FAM83A: variants seen among roughly 807,000 people sequenced by gnomAD.
FAM83A encodes the protein protein FAM83A.
FAM83A carries 21 observed loss-of-function variants against 24.4 expected under a neutral mutation model. The observed-to-expected ratio is 0.86, with a 90% CI of 0.61 to 1.24. The LOEUF is 1.24. FAM83A is among the 50% of genes most tolerant of loss of function. The pLI is 0.00. For synonymous variants in FAM83A, 270 were observed against 252.4 expected (o/e 1.07, Z -0.66); for missense variants, 617 against 579.8 (o/e 1.06, Z -0.66).
exon 4 of FAM83A, chr8:123,208,945 C>T: frequency 2.1e-6 from 2 of 961,782 alleles, no homozygotes; most frequent in Non-Finnish European, 2.4e-6. Flanking sequence ...GCATGGGCAA[C>T]AAAGCAAGAC....
exon 3 of FAM83A, chr8:123,194,081 T>C: frequency 6.2e-7 from 1 of 1,614,184 alleles, no homozygotes; most frequent in Non-Finnish European, 8.5e-7. Flanking sequence ...AGGCAGGAAA[T>C]TCGCTGGCCA....
chr8:123,192,186 G>T (rs1824005412), intron 2 of FAM83A, among the ~76,000 whole-genome samples: 1 of 152,192 alleles, frequency 6.6e-6, no homozygotes, highest in African/African-American at 2.4e-5. Flanking sequence ...CCATGACAGG[G>T]AAAGAGAAGG....
upstream of FAM83A, among the ~76,000 whole-genome samples, chr8:123,181,092 G>A (rs768107002): frequency 9.2e-5 from 14 of 152,170 alleles, no homozygotes; most frequent in Non-Finnish European, 2.1e-4. Flanking sequence ...GACTACAGGC[G>A]CATACCACCA....
intron 1 of FAM83A, among the ~76,000 whole-genome samples, chr8:123,190,557 G>A (rs1344329074): frequency 3.3e-5 from 5 of 152,010 alleles, no homozygotes; most frequent in Admixed American, 2.6e-4. Context: ...GAGCCACCGC[G>A]CCCGGCAGTA....
exon 1 of FAM83A, chr8:123,183,165 C>T (rs1276382978): frequency 5.0e-6 from 8 of 1,613,692 alleles, no homozygotes; most frequent in Non-Finnish European, 6.8e-6. Context: ...TACAGTCCGG[C>T]ACCTACTTCC....
chr8:123,180,034 A>AT (rs2131047811), upstream of FAM83A: 1 of 152,378 alleles, frequency 6.6e-6, no homozygotes, highest in South Asian at 2.1e-4. Context: ...GGGCTCTGCC[A>AT]TTTACCAGCT....
chr8:123,183,047 C>A, exon 1 of FAM83A: 1 of 1,612,278 alleles, frequency 6.2e-7, no homozygotes, highest in Admixed American at 1.7e-5. Flanking sequence ...GACTTCTTGT[C>A]CTCGGTGGAG....
intron 1 of FAM83A, 57 bp downstream of exon 1, chr8:123,183,393 G>C: frequency 6.4e-7 from 1 of 1,562,296 alleles, no homozygotes; most frequent in Non-Finnish European, 8.7e-7. Context: ...ATCGGGGGCT[G>C]ATAGAGCAGG....
rs533105830 is a variant in FAM83A at position 123,183,210 on chromosome 8, G to T, written c.354G>T (p.Leu118=). Residue 118 remains leucine, a synonymous_variant, in exon 1 of 4, where the codon CTG becomes CTT. Coordinates refer to ENST00000690554, the Ensembl canonical transcript of FAM83A. ...CAGAGGGCAGCGAGCCGGCCCTACT[G>T]CACAGCTGGGCCTCAGCTGAGAAGC... 1.9e-5 allele frequency: 30 copies of T among 1,613,526 alleles called. No individual in the cohort carries two copies. In the South Asian group the frequency reaches 3.2e-4, roughly 17 times the overall value.
intron 3 of FAM83A, chr8:123,199,741 A>T (rs578160658): frequency 6.6e-6 from 1 of 152,372 alleles, no homozygotes; most frequent in Non-Finnish European, 1.5e-5. Context: ...TCTCAAAAAA[A>T]AAAGAAAGAA....
chr8:123,208,800 G>A (rs1391435355), exon 4 of FAM83A: 25 of 945,010 alleles, frequency 2.6e-5, no homozygotes, highest in Non-Finnish European at 3.2e-5. Flanking sequence ...GGATTACCTG[G>A]TCTCGAGACC....
chr8:123,183,423 C>T, intron 1 of FAM83A, 87 bp downstream of exon 1: 1 of 1,525,522 alleles, frequency 6.6e-7, no homozygotes, highest in Admixed American at 2.0e-5. Context: ...GCATTTTGCT[C>T]CCAGGGCGAG....
At chr8:123,183,840 C>A (rs962125040) in intron 1 of FAM83A, among the ~76,000 whole-genome samples, 1 of 151,790 alleles carries the variant, frequency 6.6e-6, no homozygotes, top group East Asian at 1.9e-4. Context: ...GGATTACAGG[C>A]GCATGCCACC....
Position 123,209,740 on chromosome 8 carries a change from A to C in FAM83A, c.*2052A>C. 1.6e-6 allele frequency: 1 copy of C among 612,840 alleles called. No homozygotes were observed. The highest frequency in any genetic ancestry group is 2.8e-6 in the Non-Finnish European group (1 of 352,306). 38.0% of individuals were successfully genotyped at this position (612,840 alleles called of 1,614,324 possible). A position where few individuals can be genotyped will look rare whatever the true frequency, so the allele number is the denominator to read the frequency against. ...GCAGGAACAAGCCCCCCTACTCCTG[A>C]CCACCCTCCATCAGCAGTCTCCCCT... On this transcript the variant is annotated 3_prime_UTR_variant, in exon 4 of 4. Transcript: ENST00000690554. This position sits in a 1 kb window ranked among gnomAD's most constrained non-coding sequence, Gnocchi z 4.7.
At chr8:123,187,560 C>T (rs923148242) in intron 1 of FAM83A, among the ~76,000 whole-genome samples, 3 of 152,152 alleles carry the variant, frequency 2.0e-5, no homozygotes, top group African/African-American at 4.8e-5. Context: ...TGTTAACATA[C>T]GATGGGCTTA....
rs1171058922 is a variant in FAM83A at position 123,209,114 on chromosome 8, G to A, written c.*1426G>A. Reference sequence around the variant, plus strand: ...GTCAGTGGTATGTGATCCAGGCTGGGGAGCCAGAGGGGAGCAGGTGCCAAC... The same window carrying A: ...GTCAGTGGTATGTGATCCAGGCTGGAGAGCCAGAGGGGAGCAGGTGCCAAC... On this transcript the variant is annotated 3_prime_UTR_variant, in exon 4 of 4. Transcript: ENST00000690554. The surrounding 1 kb of genome is among the most constrained non-coding windows in gnomAD (Gnocchi z 4.7). 2 of 1,043,670 alleles carry A rather than the reference G, an allele frequency of 1.9e-6. No homozygotes were observed. The highest frequency in any genetic ancestry group is 4.0e-5 in the South Asian group (1 of 25,182). 64.7% of individuals were successfully genotyped at this position (1,043,670 alleles called of 1,614,324 possible).
intron 3 of FAM83A, chr8:123,202,094 T>C (rs1221669835): frequency 5.9e-5 from 9 of 152,460 alleles, no homozygotes; most frequent in African/African-American, 2.2e-4. Context: ...CTGCCATCCA[T>C]GGGTTTTCTC....
intron 1 of FAM83A, among the ~76,000 whole-genome samples, chr8:123,188,195 G>A (rs1486149545): frequency 1.3e-5 from 2 of 151,768 alleles, no homozygotes; most frequent in Non-Finnish European, 2.9e-5. Context: ...GGCATTCCTG[G>A]TTCATGGCCG....
At chr8:123,193,594 T>C (rs1179825381) in intron 2 of FAM83A, among the ~76,000 whole-genome samples, 1 of 152,238 alleles carries the variant, frequency 6.6e-6, no homozygotes, top group Admixed American at 6.5e-5. Flanking sequence ...GACATTTTCA[T>C]GCACAAATTG....
Sources: gnomAD v4.1 joint callset for allele counts (sites outside exome capture counted in the v4.1 genomes callset) on GRCh38, gnomAD v4.1.1 for gene constraint, Gnocchi (gnomAD v3.1) non-coding constraint, MANE v1.5 for transcripts, NCBI Gene and HGNC (gene_info 2026-07-23, HGNC 2026-07-21) for gene names.